ARK2C: variants seen among roughly 807,000 people sequenced by gnomAD.
ARK2C encodes the protein arkadia (RNF111) C-terminal like ring finger ubiquitin ligase 2C.
At chr18:46,455,030 A>G in the ARK2C span, among the ~76,000 whole-genome samples, 1 of 152,256 alleles carries the variant, frequency 6.6e-6, no homozygotes, top group African/African-American at 2.4e-5. Context: ...ACATAACGGT[A>G]AACTATTTTC....
chr18:46,365,606 C>T, the ARK2C span, among the ~76,000 whole-genome samples: 2 of 152,146 alleles, frequency 1.3e-5, no homozygotes, highest in African/African-American at 4.8e-5. Context: ...TGGTTTCAGG[C>T]GATTCTCATG....
At chr18:46,366,846 A>G in the ARK2C span, among the ~76,000 whole-genome samples, 1 of 152,234 alleles carries the variant, frequency 6.6e-6, no homozygotes, top group Non-Finnish European at 1.5e-5. Context: ...TGTGCTAGGT[A>G]CTAGGGAAAC....
the ARK2C span, among the ~76,000 whole-genome samples, chr18:46,400,667 G>C: frequency 6.6e-6 from 1 of 152,260 alleles, no homozygotes; most frequent in African/African-American, 2.4e-5. Flanking sequence ...GTGTGTCAGC[G>C]TGCCTCTCAG....
chr18:46,418,189 A>G, the ARK2C span, among the ~76,000 whole-genome samples: 1 of 151,992 alleles, frequency 6.6e-6, no homozygotes, highest in East Asian at 1.9e-4. Context: ...ATCTCTACAA[A>G]AAATAAAAAA....
chr18:46,418,702 A>C, the ARK2C span, among the ~76,000 whole-genome samples: 102 of 152,358 alleles, frequency 6.7e-4, no homozygotes, highest in African/African-American at 2.4e-3. Flanking sequence ...TGATTGAATA[A>C]GTCAAATTCT....
the ARK2C span, among the ~76,000 whole-genome samples, chr18:46,381,685 G>C: frequency 6.6e-6 from 1 of 152,096 alleles, no homozygotes; most frequent in Non-Finnish European, 1.5e-5. Context: ...AAAAAAATTA[G>C]CTAGGCGTAA....
the ARK2C span, among the ~76,000 whole-genome samples, chr18:46,359,246 T>G: frequency 6.6e-6 from 1 of 152,214 alleles, no homozygotes; most frequent in African/African-American, 2.4e-5. Flanking sequence ...GGCTGTTCCC[T>G]GCCTGTGGGG....
the ARK2C span, among the ~76,000 whole-genome samples, chr18:46,415,442 C>T: frequency 0.049 from 7,464 of 151,914 alleles, 207 homozygotes; most frequent in Middle Eastern, 0.068. Context: ...AGAAGAATGG[C>T]GTGGACCTGG....
At chr18:46,379,616 AC>A in the ARK2C span, among the ~76,000 whole-genome samples, 1 of 152,174 alleles carries the variant, frequency 6.6e-6, no homozygotes, top group Non-Finnish European at 1.5e-5. Flanking sequence ...CTTTGAAGCC[AC>A]CTTCAGAATT....
At chr18:46,351,164 C>A in the ARK2C span, among the ~76,000 whole-genome samples, 9 of 152,184 alleles carry the variant, frequency 5.9e-5, no homozygotes, top group Admixed American at 5.9e-4. Context: ...TGGAAGATCA[C>A]CCTGCCAAGG....
chr18:46,369,649 G>A, the ARK2C span, among the ~76,000 whole-genome samples: 3 of 152,136 alleles, frequency 2.0e-5, no homozygotes, highest in African/African-American at 7.2e-5. Flanking sequence ...TGGAGGTGGG[G>A]GCACTTTTCT....
At chr18:46,433,529 TG>T in the ARK2C span, 1 of 1,568,456 alleles carries the variant, frequency 6.4e-7, no homozygotes, top group Non-Finnish European at 8.7e-7. Flanking sequence ...GGGGCGGAGG[TG>T]GGGACCCGGA....
the ARK2C span, among the ~76,000 whole-genome samples, chr18:46,344,977 C>T: frequency 5.3e-5 from 8 of 151,996 alleles, no homozygotes; most frequent in Admixed American, 4.6e-4. Flanking sequence ...CGGAGGGGGA[C>T]ATCAGACCTG....
chr18:46,456,816 CCCA>C, the ARK2C span: 1 of 586,654 alleles, frequency 1.7e-6, no homozygotes, highest in Non-Finnish European at 3.1e-6. Context: ...TTGGGGAGGA[CCCA>C]CCTCTCCAGA....
the ARK2C span, among the ~76,000 whole-genome samples, chr18:46,441,861 CA>C: frequency 1.2e-4 from 15 of 122,094 alleles, no homozygotes; most frequent in East Asian, 8.6e-4. Flanking sequence ...GACTCCATCT[CA>C]AAAAAAAAAA....
chr18:46,365,686 G>C, the ARK2C span, among the ~76,000 whole-genome samples: 1 of 152,098 alleles, frequency 6.6e-6, no homozygotes, highest in Non-Finnish European at 1.5e-5. Context: ...ATATTTTTTA[G>C]TAGAGATGGG....
chr18:46,449,371 C>T, the ARK2C span, among the ~76,000 whole-genome samples: 6 of 152,292 alleles, frequency 3.9e-5, no homozygotes, highest in African/African-American at 1.4e-4. Context: ...CTTTAAAAAA[C>T]ATTGCATTAA....
the ARK2C span, among the ~76,000 whole-genome samples, chr18:46,400,197 C>T: frequency 6.6e-6 from 1 of 152,188 alleles, no homozygotes; most frequent in Non-Finnish European, 1.5e-5. Context: ...TCATGCTGGT[C>T]ACCCCTCTCA....
chr18:46,454,850 G>A, the ARK2C span, among the ~76,000 whole-genome samples: 5 of 152,278 alleles, frequency 3.3e-5, no homozygotes, highest in African/African-American at 4.8e-5. Context: ...GGCTGATTTC[G>A]CTCACGACTA....
Sources: gnomAD v4.1 joint callset for allele counts (sites outside exome capture counted in the v4.1 genomes callset) on GRCh38, gnomAD v4.1.1 for gene constraint, MANE v1.5 for transcripts, NCBI Gene and HGNC (gene_info 2026-07-23, HGNC 2026-07-21) for gene names.